TFDP1: variants seen among roughly 807,000 people sequenced by gnomAD.
TFDP1 encodes transcription factor Dp-1.
In TFDP1, 6 loss-of-function variants were observed where a neutral mutation model predicts 48.0. That is an observed-to-expected ratio of 0.13 (90% CI 0.07 to 0.25). The LOEUF is 0.25. Among genes scored for constraint, TFDP1 ranks in the 10% least tolerant of loss-of-function variants. TFDP1 has a pLI of 1.00. For synonymous variants in TFDP1, 201 were observed against 211.6 expected (o/e 0.95, Z 0.44); for missense variants, 335 against 543.0 (o/e 0.62, Z 3.81).
rs1327519304 is a variant in TFDP1 at position 113,631,700 on chromosome 13, T to G, written c.264T>G (p.Phe88Leu). 8 of 1,614,046 alleles carry G rather than the reference T, an allele frequency of 5.0e-6. No homozygotes were observed. The highest frequency in any genetic ancestry group is 1.3e-5 in the African/African-American group (1 of 74,936). The change falls in exon 5 of 12, where the codon TTT becomes TTG. Residue 88 changes from phenylalanine to leucine, a missense_variant. Phe to Leu is a conservative substitution (Grantham distance 22, BLOSUM62 0). This residue lies in a region of TFDP1 where 103 missense variants were observed against 140.4 expected (regional missense o/e 0.73). Transcript: ENST00000375370. ...VGSPHTPSTH[F>L]ASQNQPSDSS... ...GCCCACACACCCCCAGCACTCACTT[T>G]GCCTCTCAGAACCAGCCTTCCGACT...
In TFDP1 at chr13:113,612,030, G is replaced by GCTTTTTTTA. The variant is rs1313665666; in HGVS notation, c.79+971_79+979dup. On this transcript the variant is annotated intron_variant, in intron 3 of 11. Transcript: ENST00000375370. ...CTAATTATTCCCATATATAAAATTA[G>GCTTTTTTTA]CTTTTTTTACTCTTAACATTGTGAC... Among the ~76,000 whole-genome samples, 5 of 152,208 alleles carry GCTTTTTTTA rather than the reference G, an allele frequency of 3.3e-5. No homozygotes were observed. In the East Asian group the frequency reaches 9.6e-4, roughly 29 times the overall value.
chr13:113,604,215 T>G (rs188779065), intron 2 of TFDP1, among the ~76,000 whole-genome samples: 2 of 151,520 alleles, frequency 1.3e-5, no homozygotes. Flanking sequence ...TGGTGCTTGT[T>G]ACTGAGTTCC....
Position 113,640,394 on chromosome 13 carries a change from A to G in TFDP1, c.*127A>G. On this transcript the variant is annotated 3_prime_UTR_variant, in exon 12 of 12. Coordinates refer to ENST00000375370, the MANE Select transcript of TFDP1 (RefSeq NM_007111.5). ...GATATTGGTAAGCTATTGAATTTAG[A>G]TATGCACCTCTGATAAGCAAGGATT... 6.9e-7 allele frequency: 1 copy of G among 1,439,130 alleles called. No homozygotes were observed. Among genetic ancestry groups the G allele is most frequent in the Non-Finnish European group, 9.2e-7 (1 of 1,083,174 alleles). 89.1% of individuals were successfully genotyped at this position (1,439,130 alleles called of 1,614,324 possible).
chr13:113,631,293 G>A (rs551494519), intron 4 of TFDP1, among the ~76,000 whole-genome samples: 12 of 152,336 alleles, frequency 7.9e-5, no homozygotes, highest in Middle Eastern at 3.4e-3. Flanking sequence ...AAACTTGACC[G>A]TTAGCGCCTT....
At position 113,619,199 on chromosome 13, in the gene TFDP1, G is replaced by A. The variant is rs114573468; in HGVS notation, c.80-3981G>A. 1.5e-3 allele frequency among the ~76,000 whole-genome samples: 227 copies of A among 152,314 alleles called. 1 individual carries two copies. The highest frequency in any genetic ancestry group is 0.014 in the East Asian group (75 of 5,180). ...ATAGAAACAAGAAGCCCGGCTGGGC[G>A]TAGTGGCTAACACCTGTAATCCCAG... On this transcript the variant is annotated intron_variant, in intron 3 of 11. Transcript: ENST00000375370.
At position 113,636,525 on chromosome 13, in the gene TFDP1, C is replaced by T. The variant is rs1286954367; in HGVS notation, c.840-9C>T. ...ACCCTGTCTTTCTGACTGTGCCTTT[C>T]CCCTTCAGATTTGAGTATCTGTTTA... On this transcript the variant is annotated splice_polypyrimidine_tract_variant and intron_variant, in intron 9 of 11. Transcript: ENST00000375370. 6.2e-7 allele frequency: 1 copy of T among 1,612,940 alleles called. No homozygotes were observed. Among genetic ancestry groups the T allele is most frequent in the African/African-American group, 1.3e-5 (1 of 75,056 alleles).
rs367866309 is a variant in TFDP1 at position 113,613,611 on chromosome 13, C to T, written c.79+2549C>T. 2.7e-4 allele frequency among the ~76,000 whole-genome samples: 36 copies of T among 131,848 alleles called. No homozygotes were observed. In the East Asian group the frequency reaches 7.8e-3, roughly 29 times the overall value. The allele number at this position is 131,848 out of a possible 152,430, so 86.5% of individuals were successfully genotyped here. ...GAGTGTGTGTGTGTATGCGTGAATG[C>T]GTGGGTATGTGAGGAGTGTGTGTGC... On this transcript the variant is annotated intron_variant, in intron 3 of 11. Coordinates refer to ENST00000375370, the MANE Select transcript of TFDP1 (RefSeq NM_007111.5).
intron 4 of TFDP1, among the ~76,000 whole-genome samples, chr13:113,630,853 G>A (rs1240304143): frequency 1.3e-5 from 2 of 150,296 alleles, no homozygotes; most frequent in African/African-American, 4.9e-5. Context: ...ACCCTCAGGT[G>A]TGCTGTGGGG....
intron 4 of TFDP1, among the ~76,000 whole-genome samples, chr13:113,630,994 T>A (rs2049321518): frequency 6.6e-6 from 1 of 152,186 alleles, no homozygotes; most frequent in Non-Finnish European, 1.5e-5. Flanking sequence ...CCCTCCCTCC[T>A]TGCCTGACGC....
intron 4 of TFDP1, among the ~76,000 whole-genome samples, chr13:113,628,906 G>C (rs1308895799): frequency 3.9e-5 from 6 of 152,152 alleles, no homozygotes. Context: ...CCTGCTCCAT[G>C]TCTGTTGAAT....
At position 113,636,837 on chromosome 13, in the gene TFDP1, G is replaced by C. The variant is rs563142274; in HGVS notation, c.1006+137G>C. The C allele has an allele frequency of 2.3e-5, 24 of 1,061,584 alleles. No homozygotes were observed. In the South Asian group the frequency reaches 4.0e-4, roughly 18 times the overall value. 65.8% of individuals were successfully genotyped at this position (1,061,584 alleles called of 1,614,324 possible). The stretch of plus-strand genomic sequence containing the variant: ...GTGTAGGGCCAGGAGCAAAGACAAA[G>C]GGGCTGTGAGGGGGATGAGGGCAGG... On this transcript the variant is annotated intron_variant, in intron 10 of 11. Transcript: ENST00000375370.
At chr13:113,624,960 C>T (rs532798305) in intron 4 of TFDP1, among the ~76,000 whole-genome samples, 1 of 146,784 alleles carries the variant, frequency 6.8e-6, no homozygotes, top group South Asian at 2.2e-4. Flanking sequence ...CCAGGTGTCT[C>T]TCAGGGTATC....
rs1260247604 is a variant in TFDP1 at position 113,620,271 on chromosome 13, G to A, written c.80-2909G>A. On this transcript the variant is annotated intron_variant, in intron 3 of 11. Transcript: ENST00000375370. ...TGAGTCCTACCCACACTCCCTGATG[G>A]GGCAGGAAAGGGGAGCCCCAGACTG... Among the ~76,000 whole-genome samples the A allele has an allele frequency of 2.6e-5, 4 of 152,288 alleles. No homozygotes were observed. The South Asian group carries it at 8.3e-4, about 32-fold the overall frequency.
Position 113,585,830 on chromosome 13 carries a change from C to G in TFDP1, c.-8C>G. On this transcript the variant is annotated 5_prime_UTR_variant, in exon 2 of 12. It adds an upstream start codon to the 5' untranslated region. Coordinates refer to ENST00000375370, the MANE Select transcript of TFDP1 (RefSeq NM_007111.5). ...CATTTGTAGCATTGATTTCCCGGATCTGGTAACATGGCAAAAGATGTAAGT... is the reference window on the plus strand; with the variant it reads ...CATTTGTAGCATTGATTTCCCGGATGTGGTAACATGGCAAAAGATGTAAGT... 1 of 1,594,660 alleles carries G rather than the reference C, an allele frequency of 6.3e-7. No homozygotes were observed.
intron 2 of TFDP1, among the ~76,000 whole-genome samples, chr13:113,602,735 C>G (rs543555780): frequency 6.6e-6 from 1 of 152,146 alleles, no homozygotes; most frequent in South Asian, 2.1e-4. Flanking sequence ...GCAGGGTCCC[C>G]CCTGAGAAGT....
intron 2 of TFDP1, among the ~76,000 whole-genome samples, chr13:113,588,130 G>A (rs547019822): frequency 1.6e-4 from 24 of 152,368 alleles, no homozygotes; most frequent in African/African-American, 4.1e-4. Flanking sequence ...GATTACAGGC[G>A]TGAGCCGCTG....
At chr13:113,635,346 C>T (rs1285404784) in intron 8 of TFDP1, among the ~76,000 whole-genome samples, 1 of 152,182 alleles carries the variant, frequency 6.6e-6, no homozygotes, top group African/African-American at 2.4e-5. Flanking sequence ...CACAGAGTGT[C>T]AGGAGGGACA....
At chr13:113,608,865 G>A (rs547875516) in intron 2 of TFDP1, among the ~76,000 whole-genome samples, 2 of 152,248 alleles carry the variant, frequency 1.3e-5, no homozygotes, top group East Asian at 1.9e-4. Flanking sequence ...AGACCCACTC[G>A]CCTTTTTCTA....
intron 3 of TFDP1, among the ~76,000 whole-genome samples, chr13:113,618,803 G>C (rs554812183): frequency 3.6e-4 from 55 of 152,240 alleles, no homozygotes; most frequent in Non-Finnish European, 5.0e-4. Context: ...TAGCATAACA[G>C]CATTTAAGGA....
Sources: gnomAD v4.1 joint callset for allele counts (sites outside exome capture counted in the v4.1 genomes callset) on GRCh38, gnomAD v4.1.1 for gene constraint, gnomAD v4.1.1 regional missense constraint, MANE v1.5 for transcripts, NCBI Gene and HGNC (gene_info 2026-07-23, HGNC 2026-07-21) for gene names.